Variants in EXOC4 observed in about 807,000 individuals in gnomAD.
EXOC4 encodes exocyst complex component 4.
In EXOC4, 71 loss-of-function variants were observed where a neutral mutation model predicts 107.2. The ratio of observed to expected loss-of-function variants is 0.66; its 90% CI spans 0.55 to 0.81. EXOC4 has a LOEUF of 0.81. Among genes scored for constraint, EXOC4 ranks in the 30% least tolerant of loss-of-function variants. The probability of loss-of-function intolerance (pLI) is 0.00; values close to 1 mark genes in which losing one functional copy is unlikely to be tolerated. For synonymous variants in EXOC4, 456 were observed against 441.2 expected (o/e 1.03, Z -0.42); for missense variants, 1,108 against 1,189.6 (o/e 0.93, Z 1.01).
At chr7:133,705,847 A>G (rs1340309316) in intron 10 of EXOC4, among the ~76,000 whole-genome samples, 3 of 152,226 alleles carry the variant, frequency 2.0e-5, no homozygotes, top group Non-Finnish European at 4.4e-5. Context: ...ATGGTGTGCA[A>G]TTTAAAATGC....
At chr7:133,596,931 G>A (rs1563121208) in intron 9 of EXOC4, among the ~76,000 whole-genome samples, 1 of 152,146 alleles carries the variant, frequency 6.6e-6, no homozygotes, top group Non-Finnish European at 1.5e-5. Context: ...GAAGCATCCA[G>A]CTATCCAGAA....
At chr7:133,400,284 C>A (rs560726921) in intron 7 of EXOC4, among the ~76,000 whole-genome samples, 1 of 152,306 alleles carries the variant, frequency 6.6e-6, no homozygotes, top group African/African-American at 2.4e-5. Flanking sequence ...TACATATAAT[C>A]TAATGCAATA....
chr7:134,004,773 C>G (rs1794603828), intron 15 of EXOC4, 139 bp from the exon 16 acceptor site: 1 of 668,440 alleles, frequency 1.5e-6, no homozygotes, highest in Admixed American at 2.9e-5. Flanking sequence ...ATAGGGTACA[C>G]AGTAAGTGTT....
chr7:134,070,694 C>T (rs1796262351), downstream of EXOC4, among the ~76,000 whole-genome samples: 1 of 152,050 alleles, frequency 6.6e-6, no homozygotes, highest in Admixed American at 6.5e-5. Flanking sequence ...GCAAGAGTCC[C>T]TGGGAACCTA....
At chr7:133,349,840 G>GT (rs995716179) in intron 5 of EXOC4, among the ~76,000 whole-genome samples, 65 of 149,914 alleles carry the variant, frequency 4.3e-4, no homozygotes, top group East Asian at 2.9e-3. Flanking sequence ...GCTATTTCCT[G>GT]TTTTTTTTTG....
chr7:133,764,031 T>C (rs1389017044), intron 10 of EXOC4, among the ~76,000 whole-genome samples: 2 of 152,130 alleles, frequency 1.3e-5, no homozygotes, highest in African/African-American at 4.8e-5. Flanking sequence ...TTTAACCTTG[T>C]GACTTTGTCC....
At chr7:133,372,651 C>A (rs1183776518) in intron 6 of EXOC4, among the ~76,000 whole-genome samples, 1 of 152,076 alleles carries the variant, frequency 6.6e-6, no homozygotes, top group East Asian at 1.9e-4. Flanking sequence ...CTGGAGATAA[C>A]CAGATAACAG....
At chr7:133,777,052 A>G (rs1796359429) in intron 10 of EXOC4, among the ~76,000 whole-genome samples, 1 of 152,158 alleles carries the variant, frequency 6.6e-6, no homozygotes, top group South Asian at 2.1e-4. Flanking sequence ...CAAGAGAATT[A>G]ATTTATATTT....
At chr7:133,451,392 T>C (rs1489490984) in intron 7 of EXOC4, among the ~76,000 whole-genome samples, 1 of 152,166 alleles carries the variant, frequency 6.6e-6, no homozygotes, top group East Asian at 1.9e-4. Context: ...TATCCTCTTT[T>C]GATCTTATTT....
At chr7:133,378,416 CAA>C (rs573961138) in intron 7 of EXOC4, among the ~76,000 whole-genome samples, 2 of 105,326 alleles carry the variant, frequency 1.9e-5, no homozygotes, top group South Asian at 3.0e-4. Context: ...AATATGTGGA[CAA>C]AAAAAAAAAA....
the EXOC4 span, among the ~76,000 whole-genome samples, chr7:134,074,290 A>G: frequency 2.0e-5 from 3 of 152,310 alleles, no homozygotes; most frequent in South Asian, 4.1e-4. Flanking sequence ...CTGAGTGAAG[A>G]TAAGTTTTCT....
chr7:133,260,286 T>C (rs1053925789), intron 1 of EXOC4, among the ~76,000 whole-genome samples: 2 of 152,144 alleles, frequency 1.3e-5, no homozygotes, highest in African/African-American at 4.8e-5. Flanking sequence ...TTTTTTTTGT[T>C]TTTTTGAGAC....
chr7:133,883,478 C>CAA (rs1168936994), intron 11 of EXOC4, among the ~76,000 whole-genome samples: 38 of 128,264 alleles, frequency 3.0e-4, no homozygotes, highest in African/African-American at 9.4e-4. Flanking sequence ...CCATCTCTAC[C>CAA]AAAAAAAAAA....
intron 14 of EXOC4, among the ~76,000 whole-genome samples, chr7:133,974,375 G>T (rs1793780896): frequency 6.6e-6 from 1 of 152,292 alleles, no homozygotes; most frequent in Non-Finnish European, 1.5e-5. Flanking sequence ...CATCACACAT[G>T]TGTATTACAG....
intron 17 of EXOC4, among the ~76,000 whole-genome samples, chr7:134,008,463 T>A (rs1181805679): frequency 1.3e-5 from 2 of 152,232 alleles, no homozygotes; most frequent in Non-Finnish European, 2.9e-5. Flanking sequence ...TGCAAATTTT[T>A]GAACATTTGA....
chr7:133,262,826 A>C (rs749212827), intron 1 of EXOC4, among the ~76,000 whole-genome samples: 6 of 151,608 alleles, frequency 4.0e-5, no homozygotes, highest in Non-Finnish European at 7.4e-5. Context: ...AGTGACGATG[A>C]ATATCCTGAA....
intron 11 of EXOC4, among the ~76,000 whole-genome samples, chr7:133,876,355 C>T (rs1256619064): frequency 6.6e-6 from 1 of 151,776 alleles, no homozygotes; most frequent in Non-Finnish European, 1.5e-5. Context: ...ACATCATTAC[C>T]TCGAGTGAGT....
rs549582217 is a variant in EXOC4, at chr7:133,261,503, C to T, written c.86+8316C>T. 9.2e-5 allele frequency among the ~76,000 whole-genome samples: 14 copies of T among 152,122 alleles called. No homozygotes were observed. The East Asian group carries it at 1.4e-3, about 15-fold the overall frequency. On this transcript the variant is annotated intron_variant, in intron 1 of 17. Transcript: ENST00000253861. ...CTTGAATTCCTGGCCTCAAGCAATCCGCAGGCCTCAGCCTGTGAGCCACCA... is the reference window on the plus strand; with the variant it reads ...CTTGAATTCCTGGCCTCAAGCAATCTGCAGGCCTCAGCCTGTGAGCCACCA...
chr7:133,629,970 A>G, intron 9 of EXOC4, 75 bp from the exon 10 acceptor site: 1 of 1,045,078 alleles, frequency 9.6e-7, no homozygotes, highest in Non-Finnish European at 1.5e-6. Flanking sequence ...TATAGGACTC[A>G]TCTAGATATG....
Sources: allele counts gnomAD v4.1 joint callset (sites outside exome capture counted in the v4.1 genomes callset), GRCh38; gene constraint gnomAD v4.1.1; transcripts MANE v1.5; gene names NCBI Gene and HGNC (gene_info 2026-07-23, HGNC 2026-07-21).